Variants in FNDC1 observed in about 807,000 individuals in gnomAD.
The protein encoded by FNDC1 is fibronectin type III domain containing 1.
A neutral mutation model predicts 168.0 loss-of-function variants in FNDC1; 96 were observed. That is an observed-to-expected ratio of 0.57 (90% confidence interval 0.48 to 0.68). The LOEUF (loss-of-function observed/expected upper bound fraction) is 0.68. Among genes scored for constraint, FNDC1 ranks in the 30% least tolerant of loss-of-function variants. FNDC1 has a pLI of 0.00. For missense variants in FNDC1, 2,587 were observed against 2,482.1 expected, an observed-to-expected ratio of 1.04 and a Z score of -0.90; for synonymous variants, 1,099 against 1,025.9, an observed-to-expected ratio of 1.07 and a Z score of -1.36.
chr6:159,178,427 A>G (rs1302315692), intron 1 of FNDC1, among the ~76,000 whole-genome samples: 1 of 152,150 alleles, frequency 6.6e-6, no homozygotes, highest in Non-Finnish European at 1.5e-5. Context: ...AGGTGGACGT[A>G]CCATGTACCC....
At position 159,223,655 on chromosome 6, in the gene FNDC1, C is replaced by T. The variant is rs775229315; in HGVS notation, c.884+10C>T. On this transcript the variant is annotated intron_variant, in intron 7 of 22. Transcript: ENST00000297267. ...AAGTTGTTGCATCAAGGTACTTTTG[C>T]TTATTTATTTGTCTTTATATATGAG... 3.1e-4 allele frequency: 480 copies of T among 1,560,724 alleles called. No individual in the cohort carries two copies. Among genetic ancestry groups the T allele is most frequent in the Non-Finnish European group, 4.0e-4 (455 of 1,133,606 alleles).
chr6:159,236,671 T>G (rs1783267854), intron 12 of FNDC1, among the ~76,000 whole-genome samples: 1 of 152,228 alleles, frequency 6.6e-6, no homozygotes, highest in Non-Finnish European at 1.5e-5. Flanking sequence ...CTTCATTTTA[T>G]TTTTAGGTTT....
intron 7 of FNDC1, among the ~76,000 whole-genome samples, chr6:159,224,638 TA>T (rs1206333664): frequency 6.6e-6 from 1 of 152,248 alleles, no homozygotes; most frequent in East Asian, 1.9e-4. Context: ...GTGTTCCTTT[TA>T]CCATTGGACT....
chr6:159,239,372 C>A, intron 13 of FNDC1, 145 bp from the exon 14 acceptor site: 1 of 673,240 alleles, frequency 1.5e-6, no homozygotes, highest in Non-Finnish European at 2.4e-6. Context: ...GTGGAGCATA[C>A]TGATGCAATA....
chr6:159,185,079 A>C (rs1487006794), intron 1 of FNDC1, among the ~76,000 whole-genome samples: 1 of 119,628 alleles, frequency 8.4e-6, no homozygotes, highest in Non-Finnish European at 1.7e-5. Flanking sequence ...GGGGGGGGGG[A>C]ATCTTGTTTT....
rs1383751277 is a variant in FNDC1, at chr6:159,232,804, C to T, written c.2292C>T (p.Ser764=). ...NSNAPSRSTM[S]SSVSSHLSSR... is the part of the protein sequence containing the mutation. Reference sequence around the variant, plus strand: ...ATGCGCCATCACGGTCCACCATGTCCTCCTCCGTCTCTTCTCATCTCTCGT... The same window carrying T: ...ATGCGCCATCACGGTCCACCATGTCTTCCTCCGTCTCTTCTCATCTCTCGT... Residue 764 remains serine, a synonymous_variant, in exon 11 of 23, where the codon TCC becomes TCT. Coordinates refer to ENST00000297267, the MANE Select transcript of FNDC1 (RefSeq NM_032532.3). This position sits in a 1 kb window ranked among gnomAD's most constrained non-coding sequence, Gnocchi z 4.9. 1 of 1,614,000 alleles carries T rather than the reference C, an allele frequency of 6.2e-7. No homozygotes were observed. The highest frequency in any genetic ancestry group is 1.1e-5 in the South Asian group (1 of 91,084).
intron 10 of FNDC1, among the ~76,000 whole-genome samples, chr6:159,231,323 C>T (rs1203149306): frequency 3.4e-5 from 1 of 29,690 alleles, no homozygotes; most frequent in East Asian, 3.5e-4. Flanking sequence ...TGCAGTGAGC[C>T]GAGATTGCGC....
chr6:159,234,426 C>T lies in FNDC1; in HGVS notation c.3914C>T (p.Ala1305Val). 1 of 1,613,608 alleles carries T rather than the reference C, an allele frequency of 6.2e-7. No homozygotes were observed. The highest frequency in any genetic ancestry group is 8.5e-7 in the Non-Finnish European group (1 of 1,179,876). Reference protein sequence around the residue: ...MLSLRQRMMHARFRNPLSRQP... With the variant: ...MLSLRQRMMHVRFRNPLSRQP... ...TCCTTGCGCCAGAGGATGATGCATG[C>T]CAGATTCCGTAACCCTCTCTCCCGA... The change falls in exon 11 of 23, where the codon GCC becomes GTC. Residue 1305 changes from alanine to valine, a missense_variant. By Grantham distance (64) the Ala-to-Val change is moderately conservative (BLOSUM62 0). Transcript: ENST00000297267.
Position 159,234,024 on chromosome 6 carries a change from C to G in FNDC1, c.3512C>G (p.Ser1171Cys), listed in dbSNP as rs1210417528. 6.2e-7 allele frequency: 1 copy of G among 1,610,634 alleles called. No homozygotes were observed. Among genetic ancestry groups the G allele is most frequent in the East Asian group, 2.2e-5 (1 of 44,860 alleles). ...TCCAAGCGGCCCCTGTCCTCCAAGT[C>G]CCAGCAGTCGGTCTCAGCCGAGGAC... The part of the protein sequence containing the change: ...PPSKRPLSSK[S>C]QQSVSAEDDE... The change falls in exon 11 of 23, where the codon TCC becomes TGC. Residue 1171 changes from serine to cysteine, a missense_variant. Ser to Cys is a moderately radical substitution (Grantham distance 112). Transcript: ENST00000297267.
chr6:159,234,174 A>G lies in FNDC1; in HGVS notation c.3662A>G (p.Lys1221Arg), dbSNP rs967153566. The G allele has an allele frequency of 6.3e-7, 1 of 1,599,518 alleles. No individual in the cohort carries two copies. The highest frequency in any genetic ancestry group is 1.3e-5 in the African/African-American group (1 of 74,632). ...AAAGACGCCGATGGGAGCCTCGCCA[A>G]GGAAGAGAGGGAGCCTGCCATCGCG... ...GGKDADGSLA[K>R]EEREPAIALA... The change falls in exon 11 of 23, where the codon AAG becomes AGG. Residue 1221 changes from lysine to arginine, a missense_variant. Transcript: ENST00000297267.
At chr6:159,269,493 T>A (rs1427944490) in intron 22 of FNDC1, among the ~76,000 whole-genome samples, 1 of 140,410 alleles carries the variant, frequency 7.1e-6, no homozygotes, top group Non-Finnish European at 1.5e-5. Flanking sequence ...TATCTATCTA[T>A]CTATCTATCC....
At position 159,269,299 on chromosome 6, in the gene FNDC1, T is replaced by TTTATCTAA. The variant is rs1562315860; in HGVS notation, c.5569+1373_5569+1374insTTATCTAA. 2.5e-3 allele frequency among the ~76,000 whole-genome samples: 306 copies of TTTATCTAA among 123,908 alleles called. 19 individuals carry two copies. Among genetic ancestry groups the TTTATCTAA allele is most frequent in the Middle Eastern group, 9.8e-3 (2 of 204 alleles). The allele number at this position is 123,908 out of a possible 152,430, so 81.3% of individuals were successfully genotyped here. On this transcript the variant is annotated intron_variant, in intron 22 of 22. Coordinates refer to ENST00000297267, the MANE Select transcript of FNDC1 (RefSeq NM_032532.3). The stretch of plus-strand genomic sequence containing the variant: ...ATCTATCTATCTATCTATCCATCCA[T>TTTATCTAA]CCATCTATCCTATCTATTTATCTAA...
At position 159,233,532 on chromosome 6, in the gene FNDC1, C is replaced by T; in HGVS notation, c.3020C>T (p.Pro1007Leu). 1 of 1,596,922 alleles carries T rather than the reference C, an allele frequency of 6.3e-7. No homozygotes were observed. Among genetic ancestry groups the T allele is most frequent in the Non-Finnish European group, 8.5e-7 (1 of 1,175,234 alleles). Residue 1007 changes from proline (P) to leucine (L), a missense_variant, in exon 11 of 23, where the codon CCT (proline) becomes CTT (leucine). Coordinates refer to ENST00000297267, the MANE Select transcript of FNDC1 (RefSeq NM_032532.3). The surrounding 1 kb of genome is among the most constrained non-coding windows in gnomAD (Gnocchi z 4.6). ...GGCCGGGCCCCACAACAGCAGCCCCCTCCTCCCGTCGCCACGTCCCAGCAC... is the reference window on the plus strand; with the variant it reads ...GGCCGGGCCCCACAACAGCAGCCCCTTCCTCCCGTCGCCACGTCCCAGCAC... ...TPGRAPQQQPPPPVATSQHHP... is the reference protein window; with the variant it reads ...TPGRAPQQQPLPPVATSQHHP...
intron 17 of FNDC1, 31 bp downstream of exon 17, chr6:159,251,563 T>G (rs1235503483): frequency 6.4e-7 from 1 of 1,573,868 alleles, no homozygotes; most frequent in Admixed American, 1.7e-5. Context: ...AGAGTTCCCA[T>G]GATCTGTAGG....
Position 159,236,304 on chromosome 6 carries a change from G to A in FNDC1, c.4057G>A (p.Gly1353Arg), listed in dbSNP as rs1783257653. ...NGQRIINGPQ[G>R]TKWVVDLDRG... ...ACAGAGAATTATCAATGGCCCTCAA[G>A]GAACAAAGTGGGTAGGGTAAACTTC... The change falls in exon 12 of 23, where the codon GGA (glycine) becomes AGA (arginine). Residue 1353 changes from glycine (G) to arginine (R), a missense_variant. Gly to Arg is a moderately radical substitution (Grantham distance 125). Coordinates refer to ENST00000297267, the MANE Select transcript of FNDC1 (RefSeq NM_032532.3). 6.2e-7 allele frequency: 1 copy of A among 1,612,490 alleles called. No individual in the cohort carries two copies. Among genetic ancestry groups the A allele is most frequent in the Non-Finnish European group, 8.5e-7 (1 of 1,178,766 alleles).
At chr6:159,197,109 A>G (rs958905580) in intron 1 of FNDC1, among the ~76,000 whole-genome samples, 1 of 152,238 alleles carries the variant, frequency 6.6e-6, no homozygotes, top group African/African-American at 2.4e-5. Context: ...AGAGTATGGC[A>G]AATTACTGAT....
At position 159,242,876 on chromosome 6, in the gene FNDC1, A is replaced by AT. The variant is rs202230239; in HGVS notation, c.4621+2927dup. ...ACATTATAGAATACATCAGTACTTC[A>AT]TTTTTTTTATTCCATTGTATGGATA... On this transcript the variant is annotated intron_variant, in intron 14 of 22. Transcript: ENST00000297267. 3.8e-4 allele frequency among the ~76,000 whole-genome samples: 58 copies of AT among 152,166 alleles called. 1 individual carries two copies. The East Asian group carries it at 8.1e-3, about 21-fold the overall frequency.
At position 159,271,490 on chromosome 6, in the gene FNDC1, T is replaced by A; in HGVS notation, c.*48T>A. 7.2e-7 allele frequency: 1 copy of A among 1,397,852 alleles called. No individual in the cohort carries two copies. Among genetic ancestry groups the A allele is most frequent in the Non-Finnish European group, 1.0e-6 (1 of 1,002,710 alleles). The allele number at this position is 1,397,852 out of a possible 1,614,324, so 86.6% of individuals were successfully genotyped here. A position where few individuals can be genotyped will look rare whatever the true frequency, so the allele number is the denominator to read the frequency against. On this transcript the variant is annotated 3_prime_UTR_variant, in exon 23 of 23. Coordinates refer to ENST00000297267, the MANE Select transcript of FNDC1 (RefSeq NM_032532.3). ...GCTTGCCCTGCCCAGCCCCACCAAC[T>A]AAGTCGCACTAGGGGCTGTGAGCAA...
rs1432258958 is a variant in FNDC1 at position 159,233,788 on chromosome 6, G to C, written c.3276G>C (p.Arg1092=). 3 of 1,539,622 alleles carry C rather than the reference G, an allele frequency of 1.9e-6. No individual in the cohort carries two copies. Among genetic ancestry groups the C allele is most frequent in the South Asian group, 2.4e-5 (2 of 82,804 alleles). ...CAGAAGTCGAGGCCCAGGATGTGCG[G>C]GCCCCCGCGCACGCCGCGCGCGCCA... ...DSTEVEAQDV[R]APAHAARAKE... Residue 1092 remains arginine, a synonymous_variant, in exon 11 of 23, where the codon CGG becomes CGC. Coordinates refer to ENST00000297267, the MANE Select transcript of FNDC1 (RefSeq NM_032532.3). This position sits in a 1 kb window ranked among gnomAD's most constrained non-coding sequence, Gnocchi z 4.6.
Sources: allele counts gnomAD v4.1 joint callset (sites outside exome capture counted in the v4.1 genomes callset), GRCh38; gene constraint gnomAD v4.1.1; non-coding constraint Gnocchi (gnomAD v3.1); transcripts MANE v1.5; gene names NCBI Gene and HGNC (gene_info 2026-07-23, HGNC 2026-07-21).